Variants in TPCN2 observed in about 807,000 individuals in gnomAD.
TPCN2 encodes the protein two pore channel protein 2.
Under a neutral mutation model 111.4 loss-of-function variants are expected in TPCN2, and 92 were observed. The observed-to-expected ratio is 0.83, with a 90% CI of 0.70 to 0.98. The LOEUF is 0.98. Among genes scored for constraint, TPCN2 ranks in the 50% least tolerant of loss-of-function variants. The probability of loss-of-function intolerance (pLI) is 0.00; values close to 1 mark genes in which losing one functional copy is unlikely to be tolerated. For missense variants in TPCN2, 995 were observed against 980.1 expected (o/e 1.02, Z -0.20); for synonymous variants, 405 against 414.5 (o/e 0.98, Z 0.28).
chr11:69,060,051 A>G (rs1382259010), intron 5 of TPCN2, among the ~76,000 whole-genome samples: 1 of 152,228 alleles, frequency 6.6e-6, no homozygotes, highest in Non-Finnish European at 1.5e-5. Flanking sequence ...GGGCGTTCAC[A>G]TGGGGCACCA....
intron 5 of TPCN2, among the ~76,000 whole-genome samples, chr11:69,057,954 A>G (rs1854847839): frequency 6.6e-6 from 1 of 152,162 alleles, no homozygotes; most frequent in African/African-American, 2.4e-5. Flanking sequence ...CCTGGGAGTG[A>G]GCTCCAAGAC....
At chr11:69,071,231 G>A in intron 9 of TPCN2, 125 bp from the exon 10 acceptor site, 1 of 730,766 alleles carries the variant, frequency 1.4e-6, no homozygotes, top group Non-Finnish European at 2.5e-6. Context: ...GACTGCGCTG[G>A]CCAGGCCATG....
Position 69,085,844 on chromosome 11 carries a change from G to T in TPCN2, c.1921-4G>T, listed in dbSNP as rs201724061. 3 of 1,614,056 alleles carry T rather than the reference G, an allele frequency of 1.9e-6. No homozygotes were observed. The highest frequency in any genetic ancestry group is 1.7e-5 in the Admixed American group (1 of 60,018). On this transcript the variant is annotated splice_polypyrimidine_tract_variant and splice_region_variant and intron_variant, in intron 21 of 24. Coordinates refer to ENST00000294309, the MANE Select transcript of TPCN2 (RefSeq NM_139075.4). Reference sequence around the variant, plus strand: ...TCCTGGACCGCTGGTCTCTGCCCCCGCAGGCTGCCCTGGTCACTCTGTGGA... The same window carrying T: ...TCCTGGACCGCTGGTCTCTGCCCCCTCAGGCTGCCCTGGTCACTCTGTGGA...
intron 8 of TPCN2, among the ~76,000 whole-genome samples, chr11:69,068,299 C>A (rs1231694910): frequency 6.7e-6 from 1 of 148,666 alleles, no homozygotes; most frequent in Non-Finnish European, 1.5e-5. Flanking sequence ...AGGAAGTGAC[C>A]GCACTGGGAG....
intron 7 of TPCN2, 77 bp downstream of exon 7, chr11:69,064,044 T>A: frequency 2.1e-6 from 3 of 1,423,012 alleles, no homozygotes; most frequent in Non-Finnish European, 3.0e-6. Flanking sequence ...GGCTGGTGTC[T>A]GCTGCCCTGG....
intron 13 of TPCN2, among the ~76,000 whole-genome samples, chr11:69,074,186 A>G (rs1004644743): frequency 6.6e-6 from 1 of 152,148 alleles, no homozygotes; most frequent in Non-Finnish European, 1.5e-5. Flanking sequence ...TCTCTAAAAA[A>G]CATTGTTTTC....
At position 69,088,463 on chromosome 11, in the gene TPCN2, CTGATTGCCAGTTA is replaced by C. The variant is rs1856361062; in HGVS notation, c.*512_*524del. ...TGACTGGGTGTGTTTCTTTAGGGTT[CTGATTGCCAGTTA>C]TTTTCATCAATAAGTCTTGCAAAGA... On this transcript the variant is annotated 3_prime_UTR_variant, in exon 25 of 25. Transcript: ENST00000294309. The C allele has an allele frequency of 6.4e-6, 1 of 156,556 alleles. No homozygotes were observed. Among genetic ancestry groups the C allele is most frequent in the Non-Finnish European group, 1.4e-5 (1 of 70,530 alleles). 9.7% of individuals were successfully genotyped at this position (156,556 alleles called of 1,614,324 possible). A position where few individuals can be genotyped will look rare whatever the true frequency, so the allele number is the denominator to read the frequency against.
At chr11:69,063,101 G>A (rs932089449) in intron 6 of TPCN2, 111 bp downstream of exon 6, 17 of 917,396 alleles carry the variant, frequency 1.9e-5, no homozygotes, top group Admixed American at 4.1e-5. Context: ...TGCGTGCTCC[G>A]CATCCCTGGC....
intron 4 of TPCN2, among the ~76,000 whole-genome samples, chr11:69,057,083 C>T (rs991363500): frequency 1.3e-5 from 2 of 152,148 alleles, no homozygotes; most frequent in African/African-American, 4.8e-5. Flanking sequence ...AGTGATCCGC[C>T]CACCTCGGCC....
At chr11:69,085,639 C>G (rs573174670) in intron 20 of TPCN2, 32 bp from the exon 21 acceptor site, 2 of 1,452,140 alleles carry the variant, frequency 1.4e-6, no homozygotes, top group African/African-American at 1.4e-5. Flanking sequence ...CTGGAGCCCC[C>G]GCCCCTGACC....
intron 5 of TPCN2, among the ~76,000 whole-genome samples, chr11:69,060,187 A>G (rs7943223): frequency 0.46 from 70,675 of 152,128 alleles, 16,838 homozygotes; most frequent in Non-Finnish European, 0.52. Context: ...ACTTGGGAAC[A>G]TCCCCTTTCT....
At chr11:69,065,262 C>G (rs10750839) in intron 7 of TPCN2, among the ~76,000 whole-genome samples, 66,257 of 152,064 alleles carry the variant, frequency 0.44, 14,855 homozygotes, top group Non-Finnish European at 0.5. Flanking sequence ...TCCAGTGACC[C>G]CTGCAGTAGC....
chr11:69,081,142 G>A (rs915693692), intron 17 of TPCN2, among the ~76,000 whole-genome samples: 1 of 151,888 alleles, frequency 6.6e-6, no homozygotes, highest in Admixed American at 6.6e-5. Flanking sequence ...CAGCCTTCCC[G>A]CAAGGGCTGG....
chr11:69,072,005 G>A lies in TPCN2; in HGVS notation c.1043G>A (p.Gly348Glu). 2 of 1,613,758 alleles carry A rather than the reference G, an allele frequency of 1.2e-6. No individual in the cohort carries two copies. The highest frequency in any genetic ancestry group is 1.7e-6 in the Non-Finnish European group (2 of 1,179,906). Residue 348 changes from glycine to glutamate, a missense_variant, in exon 11 of 25, where the codon GGA (glycine) becomes GAA (glutamate). By Grantham distance (98) the Gly-to-Glu change is moderately conservative. Coordinates refer to ENST00000294309, the MANE Select transcript of TPCN2 (RefSeq NM_139075.4). ...GTCCTATCCTCCATGGTGGGGGAGG[G>A]AGGAGCCTTCCCTCAGGCGTGAGTG... ...FEVLSSMVGE[G>E]GAFPQAVGVK...
In TPCN2 at chr11:69,090,284, G is replaced by A. The variant is rs1212670972; in HGVS notation, c.*2331G>A. On this transcript the variant is annotated 3_prime_UTR_variant, in exon 25 of 25. Coordinates refer to ENST00000294309, the MANE Select transcript of TPCN2 (RefSeq NM_139075.4). ...GTTCCAGTTTTTCTCTCTTTCCATA[G>A]CTGTAAGGCCCTTTCTGGGAATGGT... The A allele has an allele frequency of 2.0e-5, 3 of 148,328 alleles. No individual in the cohort carries two copies. The highest frequency in any genetic ancestry group is 4.5e-5 in the Non-Finnish European group (3 of 66,228). 9.2% of individuals were successfully genotyped at this position (148,328 alleles called of 1,614,324 possible).
chr11:69,086,542 G>T lies in TPCN2; in HGVS notation c.2023G>T (p.Val675Leu). The change falls in exon 23 of 25, where the codon GTA becomes TTA. Residue 675 changes from valine (V) to leucine (L), a missense_variant. By Grantham distance (32) the Val-to-Leu change is conservative. Coordinates refer to ENST00000294309, the MANE Select transcript of TPCN2 (RefSeq NM_139075.4). ...CCGCAGGTGGTCCAAGATCTATTTT[G>T]TATTGTGGTGGCTGGTGTCGTCTGT... ...YSGPWSKIYF[V>L]LWWLVSSVIW... The T allele has an allele frequency of 1.9e-6, 3 of 1,614,178 alleles. No individual in the cohort carries two copies. The highest frequency in any genetic ancestry group is 1.3e-5 in the African/African-American group (1 of 75,052).
intron 5 of TPCN2, among the ~76,000 whole-genome samples, chr11:69,062,625 T>C (rs1417020975): frequency 6.6e-6 from 1 of 152,032 alleles, no homozygotes; most frequent in African/African-American, 2.4e-5. Context: ...GTGTTAGGAT[T>C]GGGGAACCTG....
At chr11:69,064,175 G>A (rs1052582739) in intron 7 of TPCN2, among the ~76,000 whole-genome samples, 3 of 152,202 alleles carry the variant, frequency 2.0e-5, no homozygotes, top group Admixed American at 6.5e-5. Context: ...CTGCCCTGGG[G>A]TCTCCTGGGC....
intron 8 of TPCN2, among the ~76,000 whole-genome samples, chr11:69,069,162 T>C (rs1386160224): frequency 7.4e-6 from 1 of 134,250 alleles, no homozygotes; most frequent in Non-Finnish European, 1.6e-5. Flanking sequence ...GTGACCGCAG[T>C]GGGAGCAGGA....
Sources: gnomAD v4.1 joint callset for allele counts (sites outside exome capture counted in the v4.1 genomes callset) on GRCh38, gnomAD v4.1.1 for gene constraint, MANE v1.5 for transcripts, NCBI Gene and HGNC (gene_info 2026-07-23, HGNC 2026-07-21) for gene names.